CSMD1: variants seen among roughly 807,000 people sequenced by gnomAD.
The protein encoded by CSMD1 is CUB and sushi domain-containing protein 1.
CSMD1 carries 213 observed loss-of-function variants against 417.5 expected under a neutral mutation model. That is an observed-to-expected ratio of 0.51 (90% confidence interval 0.46 to 0.57). The LOEUF is 0.57. Ranked by LOEUF, CSMD1 falls within the 20% of genes least tolerant of loss-of-function variation. CSMD1 has a pLI of 0.00. For synonymous variants in CSMD1, 2,862 were observed against 1,736.8 expected (o/e 1.65, Z -16.11); for missense variants, 6,923 against 4,529.7 (o/e 1.53, Z -15.17).
At chr8:3,817,724 T>C (rs1258686948) in intron 5 of CSMD1, among the ~76,000 whole-genome samples, 1 of 152,112 alleles carries the variant, frequency 6.6e-6, no homozygotes, top group Non-Finnish European at 1.5e-5. Context: ...AGTTTCAGAA[T>C]AAAGAGCTAA....
chr8:4,491,621 A>C (rs1801706834), intron 2 of CSMD1, among the ~76,000 whole-genome samples: 1 of 152,200 alleles, frequency 6.6e-6, no homozygotes, highest in Non-Finnish European at 1.5e-5. Flanking sequence ...CAAGGAGAGT[A>C]AATAAGCATA....
At chr8:3,313,442 G>T (rs971696067) in intron 23 of CSMD1, among the ~76,000 whole-genome samples, 14 of 152,166 alleles carry the variant, frequency 9.2e-5, no homozygotes, top group Admixed American at 2.0e-4. Flanking sequence ...CCATCAAAAA[G>T]TGGGTGAAGG....
chr8:3,507,657 T>C (rs1334018634), intron 10 of CSMD1, among the ~76,000 whole-genome samples: 2 of 152,188 alleles, frequency 1.3e-5, no homozygotes, highest in South Asian at 2.1e-4. Flanking sequence ...CACATCCTTT[T>C]CAGCACCTGT....
chr8:4,432,022 T>G (rs1797897096), intron 2 of CSMD1, among the ~76,000 whole-genome samples: 1 of 152,016 alleles, frequency 6.6e-6, no homozygotes, highest in Admixed American at 6.6e-5. Flanking sequence ...TCAAAAGGCC[T>G]GCAAAAATGT....
At chr8:4,308,791 C>T (rs1399406430) in intron 3 of CSMD1, among the ~76,000 whole-genome samples, 1 of 152,164 alleles carries the variant, frequency 6.6e-6, no homozygotes, top group Non-Finnish European at 1.5e-5. Context: ...AAAACTAATT[C>T]ACAGATGAGT....
chr8:3,754,859 C>G (rs1797568566), intron 5 of CSMD1, among the ~76,000 whole-genome samples: 1 of 152,180 alleles, frequency 6.6e-6, no homozygotes, highest in Admixed American at 6.5e-5. Flanking sequence ...GGACTAAGAA[C>G]CTGGGCCTTT....
chr8:3,269,334 G>T (rs575033448), intron 26 of CSMD1, among the ~76,000 whole-genome samples: 9 of 152,216 alleles, frequency 5.9e-5, no homozygotes, highest in Middle Eastern at 3.2e-3. Context: ...GATGGCTCCA[G>T]CTACGCTTGT....
At chr8:3,259,035 G>A (rs962435815) in intron 26 of CSMD1, among the ~76,000 whole-genome samples, 1 of 152,070 alleles carries the variant, frequency 6.6e-6, no homozygotes, top group Non-Finnish European at 1.5e-5. Flanking sequence ...TAGGCACAAA[G>A]GTACTCCAGA....
intron 2 of CSMD1, among the ~76,000 whole-genome samples, chr8:4,464,503 A>G (rs546021749): frequency 1.9e-4 from 29 of 152,292 alleles, no homozygotes; most frequent in Non-Finnish European, 2.8e-4. Context: ...ATAATAACAC[A>G]TTGAGTATCT....
chr8:4,813,124 G>A (rs530365014), intron 1 of CSMD1, among the ~76,000 whole-genome samples: 3 of 152,236 alleles, frequency 2.0e-5, no homozygotes, highest in African/African-American at 7.2e-5. Flanking sequence ...CTAAAAATAT[G>A]TTAAGCTCTC....
chr8:3,013,727 G>T (rs965888464), intron 52 of CSMD1, among the ~76,000 whole-genome samples: 1 of 150,778 alleles, frequency 6.6e-6, no homozygotes, highest in Non-Finnish European at 1.5e-5. Context: ...ACTCAGCCTG[G>T]GCAACTGAGA....
At chr8:4,209,075 T>C (rs1350165127) in intron 3 of CSMD1, among the ~76,000 whole-genome samples, 1 of 152,294 alleles carries the variant, frequency 6.6e-6, no homozygotes, top group East Asian at 1.9e-4. Flanking sequence ...TTTTCTTTTT[T>C]TGTCCTCTCT....
intron 3 of CSMD1, among the ~76,000 whole-genome samples, chr8:4,039,799 G>C (rs913502508): frequency 1.3e-5 from 2 of 152,224 alleles, no homozygotes; most frequent in Non-Finnish European, 2.9e-5. Context: ...ATATGGCACA[G>C]GGAGTTACAG....
chr8:3,548,330 G>C (rs1337674168), intron 10 of CSMD1, among the ~76,000 whole-genome samples: 3 of 152,048 alleles, frequency 2.0e-5, no homozygotes, highest in Admixed American at 1.3e-4. Flanking sequence ...TTGGGGAACA[G>C]GTGGTATTTG....
intron 3 of CSMD1, among the ~76,000 whole-genome samples, chr8:4,258,152 T>G (rs1038757152): frequency 1.3e-5 from 2 of 150,564 alleles, no homozygotes; most frequent in African/African-American, 2.4e-5. Context: ...ACCATGTTGT[T>G]CAGGCTGGTC....
chr8:3,749,175 T>C (rs1045598283), intron 6 of CSMD1, among the ~76,000 whole-genome samples: 37 of 152,140 alleles, frequency 2.4e-4, no homozygotes, highest in Admixed American at 9.2e-4. Context: ...AAGGCACTTA[T>C]TTAATTATAA....
chr8:3,947,415 C>G lies in CSMD1; in HGVS notation c.818+50488G>C, dbSNP rs552811407. On this transcript the variant is annotated intron_variant, in intron 5 of 69. Coordinates refer to ENST00000635120, the MANE Select transcript of CSMD1 (RefSeq NM_033225.6). The stretch of plus-strand genomic sequence containing the variant: ...GACGTGCTATCCTTTTTATAAATCA[C>G]TGGATCTTATTTCACAACATTTTTA... Among the ~76,000 whole-genome samples, 87 of 152,274 alleles carry G rather than the reference C, an allele frequency of 5.7e-4. No homozygotes were observed. The South Asian group carries it at 6.8e-3, about 12-fold the overall frequency.
intron 7 of CSMD1, among the ~76,000 whole-genome samples, chr8:3,661,087 A>T (rs945093756): frequency 6.6e-6 from 1 of 152,176 alleles, no homozygotes; most frequent in Non-Finnish European, 1.5e-5. Flanking sequence ...AAATGCTAGG[A>T]TACAGCCGGG....
intron 3 of CSMD1, among the ~76,000 whole-genome samples, chr8:4,236,769 T>C (rs1192322921): frequency 4.6e-5 from 7 of 152,180 alleles, no homozygotes; most frequent in African/African-American, 1.7e-4. Flanking sequence ...TCAATACATT[T>C]TACAAGGTGG....
Sources: gnomAD v4.1 joint callset for allele counts (sites outside exome capture counted in the v4.1 genomes callset) on GRCh38, gnomAD v4.1.1 for gene constraint, MANE v1.5 for transcripts, NCBI Gene and HGNC (gene_info 2026-07-23, HGNC 2026-07-21) for gene names.